Variants in ANK1 observed in about 807,000 individuals in gnomAD.
The protein encoded by ANK1 is ankyrin-1.
Under a neutral mutation model 210.4 loss-of-function variants are expected in ANK1, and 51 were observed. The observed-to-expected ratio is 0.24, with a 90% CI of 0.19 to 0.31. The LOEUF (loss-of-function observed/expected upper bound fraction) is 0.31. Among genes scored for constraint, ANK1 ranks in the 10% least tolerant of loss-of-function variants. The pLI is 1.00. For synonymous variants in ANK1, 967 were observed against 1,025.9 expected (o/e 0.94, Z 1.10); for missense variants, 2,051 against 2,504.4 (o/e 0.82, Z 3.86).
intron 3 of ANK1, among the ~76,000 whole-genome samples, chr8:41,729,782 C>G (rs1184099613): frequency 6.6e-6 from 1 of 152,346 alleles, no homozygotes; most frequent in Admixed American, 6.5e-5. Flanking sequence ...CAGCCAGGCT[C>G]CTGCCAGCCC....
At chr8:41,693,528 C>G (rs1214503348) in intron 29 of ANK1, among the ~76,000 whole-genome samples, 1 of 144,656 alleles carries the variant, frequency 6.9e-6, no homozygotes, top group Non-Finnish European at 1.5e-5. Flanking sequence ...ACCTCCACCT[C>G]CCAGGTTCAA....
At chr8:41,876,028 C>CA (rs1379825243) in intron 1 of ANK1, among the ~76,000 whole-genome samples, 2 of 151,970 alleles carry the variant, frequency 1.3e-5, no homozygotes, top group African/African-American at 4.8e-5. Flanking sequence ...CGCGACCTCG[C>CA]AGGTTCGCGG....
chr8:41,700,443 T>G lies in ANK1; in HGVS notation c.2462-895A>C, dbSNP rs866901423. On this transcript the variant is annotated intron_variant, in intron 22 of 42. Coordinates refer to ENST00000289734, the MANE Select transcript of ANK1 (RefSeq NM_000037.4). The stretch of plus-strand genomic sequence containing the variant: ...AAGCATTTCATACCCATTATAGTTA[T>G]ATGAGCAGTTCCTGGAAAGCAAAGG... 6 of 1,613,780 alleles carry G rather than the reference T, an allele frequency of 3.7e-6. No homozygotes were observed. The highest frequency in any genetic ancestry group is 3.3e-4 in the Middle Eastern group (2 of 6,060).
At chr8:41,707,739 G>A (rs1479099167) in intron 17 of ANK1, among the ~76,000 whole-genome samples, 2 of 152,152 alleles carry the variant, frequency 1.3e-5, no homozygotes, top group Non-Finnish European at 2.9e-5. Context: ...GAATATAATG[G>A]TCCTACCAGA....
intron 16 of ANK1, among the ~76,000 whole-genome samples, chr8:41,712,852 A>G (rs1360849106): frequency 3.9e-5 from 6 of 152,204 alleles, no homozygotes; most frequent in Non-Finnish European, 8.8e-5. Context: ...CCTTTTATAT[A>G]AGTAGGGGAG....
intron 21 of ANK1, 85 bp from the exon 22 acceptor site, chr8:41,701,707 G>T: frequency 7.3e-7 from 1 of 1,369,452 alleles, no homozygotes; most frequent in Non-Finnish European, 1.0e-6. Context: ...GGTCATGCCT[G>T]TGGGGTTTCC....
chr8:41,726,022 C>T (rs1483535210), intron 5 of ANK1, 76 bp from the exon 6 acceptor site: 3 of 1,529,120 alleles, frequency 2.0e-6, no homozygotes, highest in East Asian at 2.4e-5. Flanking sequence ...CACCCTTGCC[C>T]CTCGGGCTTA....
chr8:41,896,349 T>A, intron 1 of ANK1: 1 of 1,591,022 alleles, frequency 6.3e-7, no homozygotes, highest in Non-Finnish European at 8.6e-7. Flanking sequence ...CGCCGCCCCC[T>A]CCTACCTTCT....
chr8:41,874,438 T>TA (rs913942549), intron 1 of ANK1, among the ~76,000 whole-genome samples: 7 of 152,336 alleles, frequency 4.6e-5, no homozygotes, highest in African/African-American at 1.7e-4. Flanking sequence ...ACTCTTTTCT[T>TA]AAAGTCTTGG....
intron 1 of ANK1, among the ~76,000 whole-genome samples, chr8:41,859,424 G>A (rs1478729122): frequency 6.6e-6 from 1 of 152,218 alleles, no homozygotes; most frequent in Non-Finnish European, 1.5e-5. Flanking sequence ...TTGGCTCACT[G>A]CAACCTCCAC....
chr8:41,657,471 G>A (rs1201753044), intron 42 of ANK1, among the ~76,000 whole-genome samples: 3 of 152,214 alleles, frequency 2.0e-5, no homozygotes, highest in South Asian at 2.1e-4. Flanking sequence ...AAATGTTACC[G>A]TCTCTGTCCA....
intron 17 of ANK1, among the ~76,000 whole-genome samples, chr8:41,708,067 G>A (rs1270666667): frequency 6.6e-6 from 1 of 152,202 alleles, no homozygotes; most frequent in African/African-American, 2.4e-5. Context: ...TCCTTTCGGA[G>A]TGATGAAAGT....
chr8:41,891,456 T>C (rs1819439954), intron 1 of ANK1, among the ~76,000 whole-genome samples: 2 of 152,160 alleles, frequency 1.3e-5, no homozygotes, highest in Non-Finnish European at 2.9e-5. Context: ...CTGCACCTGC[T>C]CTGAGACAGT....
intron 15 of ANK1, 92 bp from the exon 16 acceptor site, chr8:41,714,346 A>G: frequency 4.2e-6 from 4 of 949,034 alleles, no homozygotes; most frequent in Non-Finnish European, 6.0e-6. Context: ...TATTTTATAC[A>G]GTAAAATCCT....
chr8:41,709,674 C>A (rs1290676425), intron 16 of ANK1, among the ~76,000 whole-genome samples: 1 of 152,224 alleles, frequency 6.6e-6, no homozygotes, highest in Non-Finnish European at 1.5e-5. Context: ...AGTGTTCATG[C>A]CTGTATTCCC....
chr8:41,732,482 G>A (rs993228487), intron 3 of ANK1, among the ~76,000 whole-genome samples: 7 of 152,090 alleles, frequency 4.6e-5, no homozygotes, highest in Non-Finnish European at 8.8e-5. Flanking sequence ...GCGCGATCTC[G>A]GCTCACCGCA....
rs117336151 is a variant in ANK1 at position 41,766,331 on chromosome 8, G to A, written c.28-8194C>T. Reference sequence around the variant, plus strand: ...GTAGCCCTGCCTTTACTCCCTTGACGATGGAGAAACAGAGGTGAACACTGG... The same window carrying A: ...GTAGCCCTGCCTTTACTCCCTTGACAATGGAGAAACAGAGGTGAACACTGG... On this transcript the variant is annotated intron_variant, in intron 1 of 42. Coordinates refer to ENST00000289734, the MANE Select transcript of ANK1 (RefSeq NM_000037.4). 7.7e-3 allele frequency among the ~76,000 whole-genome samples: 1,166 copies of A among 152,318 alleles called. 6 individuals are homozygous for A. The highest frequency in any genetic ancestry group is 0.012 in the Non-Finnish European group (797 of 68,012).
intron 9 of ANK1, among the ~76,000 whole-genome samples, chr8:41,720,696 G>T (rs560708680): frequency 2.0e-5 from 3 of 152,066 alleles, no homozygotes; most frequent in Non-Finnish European, 4.4e-5. Context: ...AACAGATGGC[G>T]TCCCTGATGA....
At chr8:41,758,805 C>A (rs1352272083) in intron 1 of ANK1, among the ~76,000 whole-genome samples, 2 of 152,194 alleles carry the variant, frequency 1.3e-5, no homozygotes, top group Non-Finnish European at 2.9e-5. Flanking sequence ...TGCAATATCA[C>A]AGAGGTCCCT....
Sources: allele counts gnomAD v4.1 joint callset (sites outside exome capture counted in the v4.1 genomes callset), GRCh38; gene constraint gnomAD v4.1.1; transcripts MANE v1.5; gene names NCBI Gene and HGNC (gene_info 2026-07-23, HGNC 2026-07-21).